Variants in RIMS2 observed in about 807,000 individuals in gnomAD.
RIMS2 encodes regulating synaptic membrane exocytosis 2, also known as regulating synaptic membrane exocytosis protein 2.
A neutral mutation model predicts 174.4 loss-of-function variants in RIMS2; 59 were observed. The ratio of observed to expected loss-of-function variants is 0.34; its 90% CI spans 0.27 to 0.42. The LOEUF (loss-of-function observed/expected upper bound fraction) is 0.42. Among genes scored for constraint, RIMS2 ranks in the 10% least tolerant of loss-of-function variants. RIMS2 has a pLI of 1.00. For missense variants in RIMS2, 1,620 were observed against 1,666.3 expected, an observed-to-expected ratio of 0.97 and a Z score of 0.48; for synonymous variants, 606 against 572.5, an observed-to-expected ratio of 1.06 and a Z score of -0.84.
chr8:103,982,905 A>T (rs756249058), intron 16 of RIMS2, among the ~76,000 whole-genome samples: 1 of 152,200 alleles, frequency 6.6e-6, no homozygotes, highest in Non-Finnish European at 1.5e-5. Flanking sequence ...AACTAGTGCA[A>T]TCAGCCAAGA....
intron 1 of RIMS2, among the ~76,000 whole-genome samples, chr8:103,576,958 A>C (rs187598050): frequency 6.6e-5 from 10 of 152,342 alleles, no homozygotes; most frequent in Non-Finnish European, 1.5e-4. Context: ...GTTAGACCTA[A>C]AACCATAAAA....
chr8:103,682,820 G>A (rs1383930378), intron 1 of RIMS2, among the ~76,000 whole-genome samples: 1 of 152,156 alleles, frequency 6.6e-6, no homozygotes, highest in Admixed American at 6.6e-5. Context: ...TATCTGGCTT[G>A]TAGCTTCTGT....
chr8:103,663,727 A>G (rs189984555), intron 1 of RIMS2, among the ~76,000 whole-genome samples: 7 of 152,322 alleles, frequency 4.6e-5, no homozygotes, highest in Admixed American at 3.3e-4. Context: ...TTATAGATTC[A>G]ATGGTATCCC....
Position 104,129,390 on chromosome 8 carries a change from T to G in RIMS2, c.3334+114775T>G, listed in dbSNP as rs566553589. On this transcript the variant is annotated intron_variant, in intron 19 of 23. Transcript: ENST00000504942. ...CGAGCAAGACCCTGTCTCAAAGAAA[T>G]AAATAAGATTTTATAACAAATCAAT... Among the ~76,000 whole-genome samples, 4 of 152,250 alleles carry G rather than the reference T, an allele frequency of 2.6e-5. No homozygotes were observed. The South Asian group carries it at 8.3e-4, about 32-fold the overall frequency.
At chr8:103,819,150 A>T in intron 3 of RIMS2, 1 of 987,358 alleles carries the variant, frequency 1.0e-6, no homozygotes, top group Non-Finnish European at 1.2e-6. Flanking sequence ...TGACGACAGC[A>T]TCTATTCATT....
At chr8:104,049,251 T>C (rs2096744539) in intron 19 of RIMS2, among the ~76,000 whole-genome samples, 1 of 151,406 alleles carries the variant, frequency 6.6e-6, no homozygotes, top group South Asian at 2.1e-4. Context: ...TGAAACCCCA[T>C]CTCTACTAAA....
chr8:103,867,305 A>C (rs1319670877), intron 3 of RIMS2, among the ~76,000 whole-genome samples: 1 of 151,862 alleles, frequency 6.6e-6, no homozygotes, highest in Non-Finnish European at 1.5e-5. Context: ...ATTCGGAAAT[A>C]ACATTCATTT....
intron 4 of RIMS2, among the ~76,000 whole-genome samples, chr8:103,889,437 G>A (rs2099228243): frequency 6.6e-6 from 1 of 151,044 alleles, no homozygotes; most frequent in Admixed American, 6.6e-5. Context: ...AAATATGCAA[G>A]GCAAATTTGC....
At chr8:104,095,596 G>C (rs1295072372) in intron 19 of RIMS2, among the ~76,000 whole-genome samples, 1 of 152,062 alleles carries the variant, frequency 6.6e-6, no homozygotes, top group Non-Finnish European at 1.5e-5. Flanking sequence ...TAGCACGAAT[G>C]TGCAGTCAGA....
At chr8:104,162,161 G>C (rs77999406) in intron 19 of RIMS2, among the ~76,000 whole-genome samples, 6,390 of 152,140 alleles carry the variant, frequency 0.042, 301 homozygotes, top group East Asian at 0.15. Flanking sequence ...CATCTTTGGG[G>C]GACCATTCTG....
intron 3 of RIMS2, among the ~76,000 whole-genome samples, chr8:103,780,048 A>T (rs1796202225): frequency 6.6e-6 from 1 of 152,108 alleles, no homozygotes; most frequent in South Asian, 2.1e-4. Flanking sequence ...TACATTTTGA[A>T]GTTAGGTAGT....
At chr8:104,178,896 A>G (rs1038763947) in intron 19 of RIMS2, among the ~76,000 whole-genome samples, 3 of 152,158 alleles carry the variant, frequency 2.0e-5, no homozygotes, top group Non-Finnish European at 2.9e-5. Context: ...TTCTTGGATA[A>G]TAAGAGAAAT....
chr8:103,796,162 C>T (rs541345987), intron 3 of RIMS2, among the ~76,000 whole-genome samples: 121 of 152,230 alleles, frequency 7.9e-4, no homozygotes, highest in Non-Finnish European at 1.5e-3. Flanking sequence ...TTATTTACTG[C>T]TCTCCATTTT....
exon 24 of RIMS2, chr8:104,251,771 C>T (rs867465190): frequency 6.2e-7 from 1 of 1,613,052 alleles, no homozygotes; most frequent in Non-Finnish European, 8.5e-7. Flanking sequence ...AGAAGAGCTT[C>T]CCAATCATCT....
At chr8:104,066,439 T>C (rs2097106487) in intron 19 of RIMS2, among the ~76,000 whole-genome samples, 1 of 152,178 alleles carries the variant, frequency 6.6e-6, no homozygotes, top group African/African-American at 2.4e-5. Flanking sequence ...CTATTTATAT[T>C]ATATCAAGAT....
chr8:103,552,591 A>G (rs928125317), intron 1 of RIMS2, among the ~76,000 whole-genome samples: 1 of 152,172 alleles, frequency 6.6e-6, no homozygotes, highest in Non-Finnish European at 1.5e-5. Context: ...AAGCCAAAAT[A>G]GACAAATGGG....
At chr8:103,886,564 A>G (rs1040663357) in intron 4 of RIMS2, among the ~76,000 whole-genome samples, 14 of 151,946 alleles carry the variant, frequency 9.2e-5, no homozygotes, top group Non-Finnish European at 1.8e-4. Context: ...AAAAGTAACA[A>G]TATATTCACT....
At chr8:103,827,903 A>G (rs1205750259) in intron 3 of RIMS2, among the ~76,000 whole-genome samples, 1 of 152,002 alleles carries the variant, frequency 6.6e-6, no homozygotes, top group East Asian at 1.9e-4. Flanking sequence ...TCCATCTCAA[A>G]AAAAAAAAGG....
intron 2 of RIMS2, among the ~76,000 whole-genome samples, chr8:103,730,032 C>T (rs7016776): frequency 0.18 from 26,802 of 152,098 alleles, 2,565 homozygotes; most frequent in African/African-American, 0.23. Flanking sequence ...TTGTTGGATG[C>T]AGGCAGTGTT....
Sources: allele counts gnomAD v4.1 joint callset (sites outside exome capture counted in the v4.1 genomes callset), GRCh38; gene constraint gnomAD v4.1.1; transcripts MANE v1.5; gene names NCBI Gene and HGNC (gene_info 2026-07-23, HGNC 2026-07-21).